METAP1: variants seen among roughly 807,000 people sequenced by gnomAD.
METAP1 encodes methionyl aminopeptidase 1, also known as methionine aminopeptidase 1.
In METAP1, 28 loss-of-function variants were observed where a neutral mutation model predicts 53.8. The observed-to-expected ratio is 0.52, with a 90% CI of 0.39 to 0.71. The LOEUF is 0.71. METAP1 is among the 30% of genes least tolerant of loss of function. The pLI is 0.00. For synonymous variants in METAP1, 181 were observed against 165.7 expected, an observed-to-expected ratio of 1.09 and a Z score of -0.71; for missense variants, 389 against 479.8, an observed-to-expected ratio of 0.81 and a Z score of 1.77.
At chr4:98,999,354 C>T (rs1722808237) in intron 1 of METAP1, among the ~76,000 whole-genome samples, 1 of 151,728 alleles carries the variant, frequency 6.6e-6, no homozygotes, top group South Asian at 2.1e-4. Context: ...TAAAATGGGG[C>T]TATTAATAAT....
At chr4:98,999,062 C>T (rs1398746899) in intron 1 of METAP1, among the ~76,000 whole-genome samples, 2 of 152,164 alleles carry the variant, frequency 1.3e-5, no homozygotes, top group Non-Finnish European at 2.9e-5. Context: ...CCTCCTTGGC[C>T]TCCCAAAGTG....
At chr4:98,999,255 AG>A (rs998252249) in intron 1 of METAP1, among the ~76,000 whole-genome samples, 1 of 152,028 alleles carries the variant, frequency 6.6e-6, no homozygotes, top group African/African-American at 2.4e-5. Context: ...CAAAATAGAG[AG>A]GTATACTGCT....
chr4:99,033,832 G>A (rs1438734841), intron 2 of METAP1, among the ~76,000 whole-genome samples: 1 of 152,158 alleles, frequency 6.6e-6, no homozygotes, highest in Non-Finnish European at 1.5e-5. Flanking sequence ...TGTAACATCT[G>A]ACCTCAGTTG....
chr4:98,997,209 A>C (rs183099032), intron 1 of METAP1, among the ~76,000 whole-genome samples: 1 of 152,384 alleles, frequency 6.6e-6, no homozygotes, highest in African/African-American at 2.4e-5. Flanking sequence ...AAACGTAAAG[A>C]TATAAATAAA....
chr4:99,030,581 G>A (rs568012092), intron 2 of METAP1, among the ~76,000 whole-genome samples: 11 of 152,244 alleles, frequency 7.2e-5, no homozygotes, highest in African/African-American at 2.6e-4. Flanking sequence ...TAAATTTTGA[G>A]TGACAGTCCT....
chr4:99,023,264 G>A, intron 1 of METAP1: 1 of 464,886 alleles, frequency 2.2e-6, no homozygotes, highest in Non-Finnish European at 3.4e-6. Context: ...ACAATAGTAA[G>A]TAATGCTATA....
chr4:98,995,932 G>C (rs1166479954), intron 1 of METAP1, 65 bp downstream of exon 1: 8 of 1,298,336 alleles, frequency 6.2e-6, no homozygotes, highest in Admixed American at 4.0e-5. Flanking sequence ...CTCCCCTGCT[G>C]GCTCCTCCCG....
Position 99,062,685 on chromosome 4 carries a change from A to G in METAP1, c.*1368A>G, listed in dbSNP as rs1430923579. 2.0e-5 allele frequency: 3 copies of G among 152,656 alleles called. No individual in the cohort carries two copies. Among genetic ancestry groups the G allele is most frequent in the East Asian group, 1.9e-4 (1 of 5,198 alleles). The allele number at this position is 152,656 out of a possible 1,614,324, so 9.5% of individuals were successfully genotyped here. On this transcript the variant is annotated 3_prime_UTR_variant, in exon 11 of 11. Coordinates refer to ENST00000296411, the MANE Select transcript of METAP1 (RefSeq NM_015143.3). ...TTTAGTAAAGTTGACTGAATCTGGT[A>G]TAGACTTTGGGAGTATGTGTGTGAA...
chr4:99,004,366 C>T (rs752484728), intron 1 of METAP1, among the ~76,000 whole-genome samples: 1 of 151,876 alleles, frequency 6.6e-6, no homozygotes, highest in Non-Finnish European at 1.5e-5. Context: ...GAGTCTGTTT[C>T]CTGAGGCCTA....
chr4:99,026,622 TA>T, intron 1 of METAP1: 4 of 985,414 alleles, frequency 4.1e-6, no homozygotes, highest in Non-Finnish European at 4.8e-6. Context: ...ATTGCCCTGT[TA>T]AGGAGTCAGA....
At chr4:99,018,216 T>C (rs926832340) in intron 1 of METAP1, among the ~76,000 whole-genome samples, 1 of 152,230 alleles carries the variant, frequency 6.6e-6, no homozygotes, top group Non-Finnish European at 1.5e-5. Flanking sequence ...TATTCTCCTT[T>C]TGGCCGTGCT....
In METAP1 at chr4:99,041,129, A is replaced by G. The variant is rs1725833186; in HGVS notation, c.516+3A>G. On this transcript the variant is annotated splice_donor_region_variant and intron_variant, in intron 6 of 10. Coordinates refer to ENST00000296411, the MANE Select transcript of METAP1 (RefSeq NM_015143.3). ...AAATAGATCACGCTGTACACTTAGT[A>G]AGAACTTCACTTTTTTACTTTGAGT... The G allele has an allele frequency of 6.4e-7, 1 of 1,569,866 alleles. No homozygotes were observed.
intron 1 of METAP1, among the ~76,000 whole-genome samples, chr4:99,017,004 A>T (rs1408207113): frequency 1.3e-5 from 2 of 152,216 alleles, no homozygotes; most frequent in Non-Finnish European, 2.9e-5. Flanking sequence ...AAGAGAAAAT[A>T]GGAGCTAATT....
At chr4:98,999,613 C>T (rs1429684216) in intron 1 of METAP1, among the ~76,000 whole-genome samples, 1 of 147,902 alleles carries the variant, frequency 6.8e-6, no homozygotes, top group Non-Finnish European at 1.5e-5. Context: ...CGGGTTCAAG[C>T]GATTCTGCTG....
intron 1 of METAP1, among the ~76,000 whole-genome samples, chr4:99,013,601 C>T (rs911929039): frequency 6.6e-6 from 1 of 152,212 alleles, no homozygotes; most frequent in Non-Finnish European, 1.5e-5. Flanking sequence ...GATGCAATCC[C>T]CTATGGCTGT....
rs1722948558 is a variant in METAP1 at position 99,002,036 on chromosome 4, T to C, written c.114+6169T>C. ...TTGGAAATTGAAGTGCTATAGGAAA[T>C]GTGATCTTATACTGTTCACTTAGTT... On this transcript the variant is annotated intron_variant, in intron 1 of 10. Transcript: ENST00000296411. Among the ~76,000 whole-genome samples, 6 of 152,358 alleles carry C rather than the reference T, an allele frequency of 3.9e-5. 1 individual carries two copies. Among genetic ancestry groups the C allele is most frequent in the Admixed American group, 2.0e-4 (3 of 15,310 alleles).
At position 99,045,341 on chromosome 4, in the gene METAP1, G is replaced by A. The variant is rs200348715; in HGVS notation, c.787+31G>A. The A allele has an allele frequency of 4.9e-5, 79 of 1,608,790 alleles. No homozygotes were observed. The African/African-American group carries it at 9.7e-4, about 20-fold the overall frequency. ...CCTCAGTGTTGAGCACCTATTGGCA[G>A]TCCTGTGTGTTGATGGGCCAAGAAT... On this transcript the variant is annotated intron_variant, in intron 8 of 10. Coordinates refer to ENST00000296411, the MANE Select transcript of METAP1 (RefSeq NM_015143.3).
chr4:99,000,706 C>CTT (rs1162206376), intron 1 of METAP1, among the ~76,000 whole-genome samples: 3 of 97,890 alleles, frequency 3.1e-5, no homozygotes, highest in Non-Finnish European at 6.5e-5. Flanking sequence ...CTCTCTCTCT[C>CTT]TTTTTTTTTT....
intron 1 of METAP1, chr4:99,023,832 A>G (rs1447602771): frequency 2.1e-6 from 2 of 940,550 alleles, no homozygotes; most frequent in Non-Finnish European, 2.5e-6. Context: ...TGCTGCCTAG[A>G]CAGAGCTGAT....
Sources: gnomAD v4.1 joint callset for allele counts (sites outside exome capture counted in the v4.1 genomes callset) on GRCh38, gnomAD v4.1.1 for gene constraint, MANE v1.5 for transcripts, NCBI Gene and HGNC (gene_info 2026-07-23, HGNC 2026-07-21) for gene names.